Variants in ASPM observed in about 807,000 individuals in gnomAD.
ASPM encodes the protein assembly factor for spindle microtubules.
ASPM carries 256 observed loss-of-function variants against 366.4 expected under a neutral mutation model. The observed-to-expected ratio is 0.70, with a 90% CI of 0.63 to 0.77. The LOEUF is 0.77. Ranked by LOEUF, ASPM falls within the 30% of genes least tolerant of loss-of-function variation. ASPM has a pLI of 0.00. For missense variants in ASPM, 4,146 were observed against 4,090.4 expected (o/e 1.01, Z -0.37); for synonymous variants, 1,414 against 1,342.9 (o/e 1.05, Z -1.16).
Position 197,101,327 on chromosome 1 carries a change from T to G in ASPM, c.7924A>C (p.Lys2642Gln). Residue 2642 changes from lysine to glutamine, a missense_variant, in exon 18 of 28, where the codon AAG (lysine) becomes CAG (glutamine). Physicochemically the swap from Lys to Gln is moderately conservative, Grantham distance 53 (BLOSUM62 1). This residue lies in a region of ASPM where 3,624 missense variants were observed against 3,591.7 expected (regional missense o/e 1.01). Coordinates refer to ENST00000367409, the MANE Select transcript of ASPM (RefSeq NM_018136.5). ...QKHCKAFKIR[K>Q]HYLHLRATVV... Reference sequence around the variant, plus strand: ...GTTGCTCTAAGGTGGAGATAATGCTTCCTTATTTTAAAGGCTTTACAATGC... The same window carrying G: ...GTTGCTCTAAGGTGGAGATAATGCTGCCTTATTTTAAAGGCTTTACAATGC... 1.2e-6 allele frequency: 2 copies of G among 1,611,496 alleles called. No homozygotes were observed. Among genetic ancestry groups the G allele is most frequent in the Non-Finnish European group, 1.7e-6 (2 of 1,178,852 alleles).
chr1:197,103,339 T>C lies in ASPM; in HGVS notation c.5912A>G (p.His1971Arg), dbSNP rs1657269775. ...KTLRRQLQRQHKCAIIIQSYY... is the reference protein window; with the variant it reads ...KTLRRQLQRQRKCAIIIQSYY... ...TGACTGTATGATGATAGCACATTTATGTTGCCTTTGAAGCTGTCTTCTCAG... is the reference window on the plus strand; with the variant it reads ...TGACTGTATGATGATAGCACATTTACGTTGCCTTTGAAGCTGTCTTCTCAG... Residue 1971 changes from histidine (H) to arginine (R), a missense_variant, in exon 18 of 28, where the codon CAT (histidine) becomes CGT (arginine). Physicochemically the swap from His to Arg is conservative, Grantham distance 29. Transcript: ENST00000367409. The C allele has an allele frequency of 6.2e-7, 1 of 1,613,266 alleles. No homozygotes were observed. The highest frequency in any genetic ancestry group is 2.2e-5 in the East Asian group (1 of 44,850).
Position 197,102,309 on chromosome 1 carries a change from T to C in ASPM, c.6942A>G (p.Ala2314=). 6.2e-7 allele frequency: 1 copy of C among 1,612,812 alleles called. No homozygotes were observed. Residue 2314 remains alanine, a synonymous_variant, in exon 18 of 28, where the codon GCA becomes GCG. Transcript: ENST00000367409. ...HHLQFLQVQN[A]VIKIQSSYRR... ...TGTATGATGACTGGATTTTAATAAC[T>C]GCATTTTGTACCTGAAGGAACTGTA...
Position 197,090,300 on chromosome 1 carries a change from T to C in ASPM, c.9725A>G (p.Glu3242Gly). ...IRLSLQVVNR[E>G]IREENKLYKR... ...GTAGAGTTTGTTTTCTTCTCGAATC[T>C]CCCTATTAACAACTTGAAGACTTAG... The change falls in exon 24 of 28, where the codon GAG becomes GGG. Residue 3242 changes from glutamate to glycine, a missense_variant. By Grantham distance (98) the Glu-to-Gly change is moderately conservative. Coordinates refer to ENST00000367409, the MANE Select transcript of ASPM (RefSeq NM_018136.5). 2 of 1,613,018 alleles carry C rather than the reference T, an allele frequency of 1.2e-6. No individual in the cohort carries two copies. Among genetic ancestry groups the C allele is most frequent in the Non-Finnish European group, 1.7e-6 (2 of 1,179,338 alleles).
At chr1:197,115,277 G>A (rs1657708031) in intron 17 of ASPM, among the ~76,000 whole-genome samples, 1 of 152,050 alleles carries the variant, frequency 6.6e-6, no homozygotes, top group Non-Finnish European at 1.5e-5. Context: ...GCTGCAATTC[G>A]GCACACCTTC....
chr1:197,090,413 T>C, intron 23 of ASPM, 25 bp from the exon 24 acceptor site: 1 of 1,533,772 alleles, frequency 6.5e-7, no homozygotes, highest in Non-Finnish European at 9.0e-7. Context: ...ACAGAGTAAT[T>C]TTAAGATTAT....
intron 17 of ASPM, among the ~76,000 whole-genome samples, chr1:197,106,293 C>G (rs1657407211): frequency 6.6e-6 from 1 of 151,980 alleles, no homozygotes; most frequent in Non-Finnish European, 1.5e-5. Flanking sequence ...TTTTATCTTA[C>G]CAAGAAGAGA....
At chr1:197,088,861 AG>A (rs1656683618) in intron 25 of ASPM, among the ~76,000 whole-genome samples, 1 of 152,074 alleles carries the variant, frequency 6.6e-6, no homozygotes, top group South Asian at 2.1e-4. Context: ...GCTCCTTGAG[AG>A]GAAGAAGAGC....
chr1:197,089,989 T>C lies in ASPM; in HGVS notation c.9925A>G (p.Ser3309Gly). 6.2e-7 allele frequency: 1 copy of C among 1,613,390 alleles called. No homozygotes were observed. Residue 3309 changes from serine to glycine, a missense_variant, in exon 25 of 28, where the codon AGT becomes GGT. By Grantham distance (56) the Ser-to-Gly change is moderately conservative. Coordinates refer to ENST00000367409, the MANE Select transcript of ASPM (RefSeq NM_018136.5). ...IFVLIRSCNR[S>G]IPCMEVIRYA... ...CTGATGACTTCCATACAAGGAATAC[T>C]GCGATTACAACTTCGGATCAAAACA...
At position 197,143,503 on chromosome 1, in the gene ASPM, AGAGAT is replaced by A; in HGVS notation, c.744_748del (p.Leu250CysfsTer5). On this transcript the variant is annotated frameshift_variant, in exon 3 of 28. Transcript: ENST00000367409. LOFTEE classifies it high-confidence loss of function. ...TAGTTCCCTATTTTCTGATGCATGA[AGAGAT>A]GAGTAGGTAGTAGATCGACGTACAG... 1.2e-6 allele frequency: 2 copies of A among 1,614,054 alleles called. No homozygotes were observed. The highest frequency in any genetic ancestry group is 8.5e-7 in the Non-Finnish European group (1 of 1,179,934).
chr1:197,093,276 T>G lies in ASPM; in HGVS notation c.9085-15A>C, dbSNP rs1656848310. On this transcript the variant is annotated splice_polypyrimidine_tract_variant and intron_variant, in intron 20 of 27. Transcript: ENST00000367409. ...GCTCGATGTCTCTATAAGGAAAAAT[T>G]TACAAGTAACATTAATGGGTAGAAA... The G allele has an allele frequency of 6.2e-7, 1 of 1,600,298 alleles. No homozygotes were observed. Among genetic ancestry groups the G allele is most frequent in the African/African-American group, 1.3e-5 (1 of 74,526 alleles).
At chr1:197,119,216 G>A (rs1272870726) in intron 16 of ASPM, among the ~76,000 whole-genome samples, 1 of 152,106 alleles carries the variant, frequency 6.6e-6, no homozygotes, top group African/African-American at 2.4e-5. Flanking sequence ...CCAAAATCGG[G>A]CTAGGGGAAT....
chr1:197,087,936 C>T (rs561861857), intron 26 of ASPM, among the ~76,000 whole-genome samples: 5 of 152,130 alleles, frequency 3.3e-5, no homozygotes, highest in Admixed American at 3.3e-4. Context: ...GCTTGAAATA[C>T]AATTATGGTT....
intron 12 of ASPM, 46 bp downstream of exon 12, chr1:197,124,817 AAATCAGT>A: frequency 7.3e-7 from 1 of 1,366,322 alleles, no homozygotes; most frequent in South Asian, 1.2e-5. Flanking sequence ...TTGTTTTTAT[AAATCAGT>A]AATCAAAATT....
At chr1:197,094,509 T>C (rs1415124816) in intron 19 of ASPM, among the ~76,000 whole-genome samples, 1 of 151,566 alleles carries the variant, frequency 6.6e-6, no homozygotes, top group Non-Finnish European at 1.5e-5. Flanking sequence ...GGGGGAATGG[T>C]AGAAATAATG....
chr1:197,122,744 A>C (rs1475839409), intron 13 of ASPM, 149 bp from the exon 14 acceptor site: 1 of 784,940 alleles, frequency 1.3e-6, no homozygotes. Flanking sequence ...GTAAACTCTA[A>C]AATTTAAAAG....
chr1:197,089,782 T>A, intron 25 of ASPM, 148 bp downstream of exon 25: 1 of 710,198 alleles, frequency 1.4e-6, no homozygotes, highest in Non-Finnish European at 2.3e-6. Flanking sequence ...TACATTTATG[T>A]TAATAAACAT....
In ASPM at chr1:197,139,810, A is replaced by G. The variant is rs1658528553; in HGVS notation, c.1983T>C (p.Ala661=). 6.2e-7 allele frequency: 1 copy of G among 1,612,554 alleles called. No homozygotes were observed. The highest frequency in any genetic ancestry group is 8.5e-7 in the Non-Finnish European group (1 of 1,178,628). ...KTNKRTKPII[A]VAQSSLTFIK... is the part of the protein sequence containing the mutation. ...TGAAGGTCAAACTGGACTGTGCCAC[A>G]GCGATAATGGGTTTTGTCCTTTTGT... is the stretch of plus-strand genomic sequence containing the variant. The change falls in exon 4 of 28, where the codon GCT becomes GCC. Residue 661 remains alanine, a synonymous_variant. Transcript: ENST00000367409.
At chr1:197,140,119 C>T (rs1265213329) in intron 3 of ASPM, among the ~76,000 whole-genome samples, 1 of 152,184 alleles carries the variant, frequency 6.6e-6, no homozygotes, top group African/African-American at 2.4e-5. Flanking sequence ...TCAACCAAAA[C>T]TTATTGTGTC....
chr1:197,102,396 G>C lies in ASPM; in HGVS notation c.6855C>G (p.Leu2285=). 6.2e-7 allele frequency: 1 copy of C among 1,612,634 alleles called. No individual in the cohort carries two copies. The highest frequency in any genetic ancestry group is 8.5e-7 in the Non-Finnish European group (1 of 1,179,232). The change falls in exon 18 of 28, where the codon CTC becomes CTG. Residue 2285 remains leucine (L), a synonymous_variant. Coordinates refer to ENST00000367409, the MANE Select transcript of ASPM (RefSeq NM_018136.5). The part of the protein sequence containing the change: ...TLMMRRRFLS[L]KKTAILIQRK... ...TCTGAATCAAAATAGCAGTTTTCTT[G>C]AGAGAGAGGAATCTTCTTCTCATCA...
Sources: allele counts gnomAD v4.1 joint callset (sites outside exome capture counted in the v4.1 genomes callset), GRCh38; gene constraint gnomAD v4.1.1; regional missense constraint gnomAD v4.1.1; transcripts MANE v1.5; gene names NCBI Gene and HGNC (gene_info 2026-07-23, HGNC 2026-07-21).